TSPAN9: variants seen among roughly 807,000 people sequenced by gnomAD.
TSPAN9 encodes the protein tetraspanin-9.
In TSPAN9, 16 loss-of-function variants were observed where a neutral mutation model predicts 31.0. The observed-to-expected ratio is 0.52, with a 90% CI of 0.35 to 0.78. TSPAN9 has a LOEUF of 0.78. TSPAN9 is among the 30% of genes least tolerant of loss of function. The pLI is 0.01. For synonymous variants in TSPAN9, 145 were observed against 121.6 expected, an observed-to-expected ratio of 1.19 and a Z score of -1.27; for missense variants, 272 against 312.5, an observed-to-expected ratio of 0.87 and a Z score of 0.98.
chr12:3,140,653 A>T (rs1455036660), intron 2 of TSPAN9, among the ~76,000 whole-genome samples: 3 of 151,868 alleles, frequency 2.0e-5, no homozygotes, highest in Admixed American at 6.6e-5. Flanking sequence ...TTCTTGGGGG[A>T]ATTGGAATGA....
chr12:3,083,560 A>G (rs2098298940), intron 1 of TSPAN9, 93 bp from the exon 2 acceptor site: 1 of 152,180 alleles, frequency 6.6e-6, no homozygotes, highest in African/African-American at 2.4e-5. Flanking sequence ...TTGGTAGGGG[A>G]CTGCTGCCCC....
At position 3,196,229 on chromosome 12, in the gene TSPAN9, G is replaced by A. The variant is rs546033845; in HGVS notation, c.-17-4948G>A. On this transcript the variant is annotated intron_variant, in intron 2 of 8. Coordinates refer to ENST00000011898, the MANE Select transcript of TSPAN9 (RefSeq NM_006675.5). ...TCCCCCTAAGATAGGACTAGATTACGCTGCGTCTCCCCACACCAGCTTCCT... is the reference window on the plus strand; with the variant it reads ...TCCCCCTAAGATAGGACTAGATTACACTGCGTCTCCCCACACCAGCTTCCT... Among the ~76,000 whole-genome samples the A allele has an allele frequency of 6.6e-5, 10 of 152,280 alleles. No homozygotes were observed. In the East Asian group the frequency reaches 1.4e-3, roughly 21 times the overall value.
At chr12:3,194,578 G>A (rs1219768750) in intron 2 of TSPAN9, among the ~76,000 whole-genome samples, 1 of 152,046 alleles carries the variant, frequency 6.6e-6, no homozygotes, top group Non-Finnish European at 1.5e-5. Context: ...GTAGAGATAA[G>A]GTCTCACTAT....
intron 2 of TSPAN9, among the ~76,000 whole-genome samples, chr12:3,199,001 C>T (rs2098369550): frequency 6.6e-6 from 1 of 152,238 alleles, no homozygotes; most frequent in Non-Finnish European, 1.5e-5. Flanking sequence ...TGTGTCTGCC[C>T]ATTTGTGCTG....
Position 3,274,475 on chromosome 12 carries a change from A to G in TSPAN9, c.64-3946A>G, listed in dbSNP as rs972334158. Among the ~76,000 whole-genome samples the G allele has an allele frequency of 2.6e-5, 4 of 152,300 alleles. No individual in the cohort carries two copies. In the East Asian group the frequency reaches 7.7e-4, roughly 29 times the overall value. On this transcript the variant is annotated intron_variant, in intron 3 of 8. Transcript: ENST00000011898. ...GGGCTGGAAACTAGAGGCCAGGGGC[A>G]GGGAGGGCAGTGGGGGCCGTGATCT... is the stretch of plus-strand genomic sequence containing the variant.
At chr12:3,269,009 CCTCT>C (rs1862610414) in intron 3 of TSPAN9, among the ~76,000 whole-genome samples, 2 of 98,268 alleles carry the variant, frequency 2.0e-5, no homozygotes, top group Admixed American at 1.0e-4. Context: ...TGCAGCCTGC[CCTCT>C]CTGTGTTCCT....
At position 3,118,082 on chromosome 12, in the gene TSPAN9, C is replaced by T. The variant is rs141443589; in HGVS notation, c.-18+34363C>T. Among the ~76,000 whole-genome samples, 223 of 151,954 alleles carry T rather than the reference C, an allele frequency of 1.5e-3. 2 individuals carry two copies. Among genetic ancestry groups the T allele is most frequent in the African/African-American group, 5.3e-3 (219 of 41,446 alleles). ...AGCTATTTAAGACTCTTTTTCTCGC[C>T]TGTGAAGTGGGGATTATAAAGGCTC... On this transcript the variant is annotated intron_variant, in intron 2 of 8. Transcript: ENST00000011898.
At chr12:3,271,293 A>G (rs1052260868) in intron 3 of TSPAN9, among the ~76,000 whole-genome samples, 1 of 152,204 alleles carries the variant, frequency 6.6e-6, no homozygotes, top group Admixed American at 6.5e-5. Context: ...GTGTGAGACT[A>G]AACTGTGCTA....
chr12:3,221,057 G>A (rs2098384248), intron 3 of TSPAN9, among the ~76,000 whole-genome samples: 1 of 152,164 alleles, frequency 6.6e-6, no homozygotes, highest in Admixed American at 6.5e-5. Flanking sequence ...TGTTGGTACG[G>A]GGAGGAGGGG....
chr12:3,205,751 G>A (rs1042601604), intron 3 of TSPAN9, among the ~76,000 whole-genome samples: 2 of 152,020 alleles, frequency 1.3e-5, no homozygotes, highest in Non-Finnish European at 2.9e-5. Context: ...GGTGTGAGGG[G>A]TTCAGGCTGT....
chr12:3,166,496 G>A (rs1280962349), intron 2 of TSPAN9, among the ~76,000 whole-genome samples: 1 of 152,230 alleles, frequency 6.6e-6, no homozygotes, highest in Non-Finnish European at 1.5e-5. Flanking sequence ...GATGATCAGT[G>A]ATTTATTTTA....
chr12:3,115,401 A>G (rs1323522246), intron 2 of TSPAN9, among the ~76,000 whole-genome samples: 1 of 152,178 alleles, frequency 6.6e-6, no homozygotes, highest in Non-Finnish European at 1.5e-5. Flanking sequence ...TTCATGTGCC[A>G]TGCTTTTGTG....
chr12:3,137,455 C>A (rs571407229), intron 2 of TSPAN9, among the ~76,000 whole-genome samples: 67 of 152,332 alleles, frequency 4.4e-4, no homozygotes, highest in African/African-American at 1.5e-3. Flanking sequence ...TCACATCCTG[C>A]GGGTTTTTCC....
At chr12:3,175,049 G>A (rs146128426) in intron 2 of TSPAN9, among the ~76,000 whole-genome samples, 49 of 152,290 alleles carry the variant, frequency 3.2e-4, no homozygotes, top group African/African-American at 1.1e-3. Context: ...GCAGCTCTGC[G>A]CCTTGTGTGA....
At chr12:3,146,472 A>G (rs904239689) in intron 2 of TSPAN9, among the ~76,000 whole-genome samples, 3 of 152,208 alleles carry the variant, frequency 2.0e-5, no homozygotes, top group African/African-American at 7.2e-5. Flanking sequence ...CCTCCTGTGC[A>G]GGGAACACAG....
At chr12:3,126,305 A>C (rs562711668) in intron 2 of TSPAN9, among the ~76,000 whole-genome samples, 1 of 152,328 alleles carries the variant, frequency 6.6e-6, no homozygotes, top group Non-Finnish European at 1.5e-5. Context: ...CGTGAACATC[A>C]GAGTGCACTT....
chr12:3,221,359 TC>T (rs67008605), intron 3 of TSPAN9, among the ~76,000 whole-genome samples: 935 of 57,082 alleles, frequency 0.016, 33 homozygotes, highest in East Asian at 0.14. Flanking sequence ...AATATTTTTC[TC>T]TTTTTTTTTT....
At chr12:3,232,761 C>T (rs1269745580) in intron 3 of TSPAN9, among the ~76,000 whole-genome samples, 1 of 152,200 alleles carries the variant, frequency 6.6e-6, no homozygotes, top group Non-Finnish European at 1.5e-5. Context: ...CCCTGGCTCT[C>T]CCGTTCCTCA....
At chr12:3,127,039 A>G (rs1188957554) in intron 2 of TSPAN9, among the ~76,000 whole-genome samples, 3 of 152,112 alleles carry the variant, frequency 2.0e-5, no homozygotes, top group Non-Finnish European at 4.4e-5. Flanking sequence ...CCTCCCAAGT[A>G]GCTGGGACTA....
Sources: gnomAD v4.1 joint callset for allele counts (sites outside exome capture counted in the v4.1 genomes callset) on GRCh38, gnomAD v4.1.1 for gene constraint, MANE v1.5 for transcripts, NCBI Gene and HGNC (gene_info 2026-07-23, HGNC 2026-07-21) for gene names.